Variants in GPAM observed in about 807,000 individuals in gnomAD.
GPAM encodes glycerol-3-phosphate acyltransferase 1, mitochondrial.
GPAM carries 56 observed loss-of-function variants against 105.0 expected under a neutral mutation model. The ratio of observed to expected loss-of-function variants is 0.53; its 90% confidence interval spans 0.43 to 0.67. The LOEUF (loss-of-function observed/expected upper bound fraction) is 0.67, where lower values mean the gene tolerates loss of function less well. Among genes scored for constraint, GPAM ranks in the 30% least tolerant of loss-of-function variants. The pLI is 0.00. For missense variants in GPAM, 855 were observed against 989.8 expected (o/e 0.86, Z 1.83); for synonymous variants, 368 against 354.4 (o/e 1.04, Z -0.43).
intron 1 of GPAM, among the ~76,000 whole-genome samples, chr10:112,204,358 C>T (rs1847835952): frequency 1.3e-5 from 2 of 149,202 alleles, no homozygotes; most frequent in Non-Finnish European, 3.0e-5. Flanking sequence ...TTGAAATAGA[C>T]AGTTGGGGAT....
chr10:112,175,145 G>C (rs1847380549), intron 6 of GPAM, among the ~76,000 whole-genome samples: 1 of 152,104 alleles, frequency 6.6e-6, no homozygotes, highest in South Asian at 2.1e-4. Context: ...TAAGAGCAAA[G>C]GCAGTAATTC....
rs1847835456 is a variant in GPAM, at chr10:112,204,335, C to T, written n.210+10833G>A. Among the ~76,000 whole-genome samples the T allele has an allele frequency of 5.4e-5, 8 of 148,478 alleles. No homozygotes were observed. The Admixed American group carries it at 5.4e-4, about 10-fold the overall frequency. On this transcript the variant is annotated intron_variant and non_coding_transcript_variant, in intron 1 of 3. Transcript: ENST00000480130. ...TCAACCGTCTGGTGACACAAGAGAT[C>T]TGGGGGCTCTTCTTGAAATAGACAG...
upstream of GPAM, among the ~76,000 whole-genome samples, chr10:112,186,491 T>C (rs1847597745): frequency 6.6e-6 from 1 of 151,998 alleles, no homozygotes; most frequent in Non-Finnish European, 1.5e-5. Flanking sequence ...AAACCACAAA[T>C]ACGTAGGTAA....
intron 2 of GPAM, 148 bp downstream of exon 2, chr10:112,182,646 T>C (rs1847528914): frequency 6.6e-6 from 1 of 152,266 alleles, no homozygotes; most frequent in African/African-American, 2.4e-5. Context: ...ACAGTGTTCC[T>C]TTGGAAGGCA....
rs532400785 is a variant in GPAM, at chr10:112,173,383, T to A, written c.560+316A>T. 8.5e-5 allele frequency among the ~76,000 whole-genome samples: 13 copies of A among 152,278 alleles called. No individual in the cohort carries two copies. The East Asian group carries it at 2.5e-3, about 29-fold the overall frequency. ...AATATTTAGTGAGCAGAATGATCCC[T>A]CTGATGTACACAAACCACTCCTTTT... On this transcript the variant is annotated intron_variant, in intron 7 of 21. Transcript: ENST00000348367.
intron 1 of GPAM, among the ~76,000 whole-genome samples, chr10:112,209,384 G>A (rs1180098443): frequency 6.6e-6 from 1 of 151,796 alleles, no homozygotes; most frequent in African/African-American, 2.4e-5. Context: ...TAGTGGAAGG[G>A]GCCCCACCCC....
At chr10:112,153,939 T>C (rs536443264) in intron 21 of GPAM, 4 of 385,416 alleles carry the variant, frequency 1.0e-5, no homozygotes, top group African/African-American at 8.3e-5. Context: ...CCAACATAAC[T>C]ATACTCTAAA....
chr10:112,180,035 CAA>C (rs1320767743), intron 4 of GPAM, among the ~76,000 whole-genome samples: 1 of 152,202 alleles, frequency 6.6e-6, no homozygotes, highest in African/African-American at 2.4e-5. Context: ...TTCACTATCA[CAA>C]AGTCAACAGA....
intron 1 of GPAM, among the ~76,000 whole-genome samples, chr10:112,200,146 A>G (rs1847776236): frequency 6.9e-6 from 1 of 145,362 alleles, no homozygotes; most frequent in Non-Finnish European, 1.5e-5. Flanking sequence ...ACAGGAACAC[A>G]TATTTACACA....
upstream of GPAM, among the ~76,000 whole-genome samples, chr10:112,185,062 TGGAAAAC>T: frequency 1.3e-5 from 2 of 152,162 alleles, no homozygotes; most frequent in Admixed American, 6.5e-5. Context: ...GCACCCCGAC[TGGAAAAC>T]CTCATAATTC....
In GPAM at chr10:112,168,328, T is replaced by C. The variant is rs1847253733; in HGVS notation, c.1091A>G (p.Tyr364Cys). The C allele has an allele frequency of 2.5e-6, 4 of 1,591,514 alleles. No individual in the cohort carries two copies. The highest frequency in any genetic ancestry group is 2.7e-5 in the African/African-American group (2 of 74,456). ...ISYDRIIEGHYNGEQLGKPKK... is the reference protein window; with the variant it reads ...ISYDRIIEGHCNGEQLGKPKK... ...TACCCTTACCAGTTGTTCACCATTG[T>C]AGTGACCTTCGATAATGCGATCATA... The change falls in exon 11 of 22, where the codon TAC becomes TGC. Residue 364 changes from tyrosine (Y) to cysteine (C), a missense_variant. Transcript: ENST00000348367.
chr10:112,161,769 G>C, intron 14 of GPAM, 32 bp from the exon 15 acceptor site: 1 of 1,575,842 alleles, frequency 6.3e-7, no homozygotes, highest in African/African-American at 1.3e-5. Flanking sequence ...TTTTTTAGTT[G>C]CACTTTTTAC....
chr10:112,157,591 G>A (rs557221546), intron 18 of GPAM, among the ~76,000 whole-genome samples: 24 of 152,282 alleles, frequency 1.6e-4, no homozygotes, highest in Admixed American at 9.8e-4. Flanking sequence ...GCAGGTGGGA[G>A]GGGAGAGCTA....
In GPAM at chr10:112,159,512, C is replaced by T. The variant is rs531974975; in HGVS notation, c.1902+399G>A. ...TGCTGAGATTACAGGCGTGAGCCAC[C>T]GCACCTGGCCGAGCAGATGATTTTT... On this transcript the variant is annotated intron_variant, in intron 17 of 21. Coordinates refer to ENST00000348367, the MANE Select transcript of GPAM (RefSeq NM_001244949.2). 9.2e-5 allele frequency among the ~76,000 whole-genome samples: 14 copies of T among 152,198 alleles called. 2 individuals are homozygous for T. In the South Asian group the frequency reaches 2.5e-3, roughly 27 times the overall value.
intron 4 of GPAM, among the ~76,000 whole-genome samples, chr10:112,178,950 C>G (rs1270544571): frequency 6.6e-6 from 1 of 152,174 alleles, no homozygotes; most frequent in East Asian, 1.9e-4. Flanking sequence ...CCAGAGATAG[C>G]TTTGCTGAAA....
chr10:112,152,402 T>G lies in GPAM; in HGVS notation c.*1148A>C. On this transcript the variant is annotated 3_prime_UTR_variant, in exon 22 of 22. Transcript: ENST00000348367. The stretch of plus-strand genomic sequence containing the variant: ...GTTTAGGCATATAACCCATAAAAAT[T>G]TGTTAAAAGTCATGGTTTTTCCTCA... 1 of 985,290 alleles carries G rather than the reference T, an allele frequency of 1.0e-6. No homozygotes were observed. Among genetic ancestry groups the G allele is most frequent in the Non-Finnish European group, 1.2e-6 (1 of 829,812 alleles). 61.0% of individuals were successfully genotyped at this position (985,290 alleles called of 1,614,324 possible).
At chr10:112,184,593 AAAAC>A (rs1355946951), upstream of GPAM, among the ~76,000 whole-genome samples, 1 of 152,246 alleles carries the variant, frequency 6.6e-6, no homozygotes, top group African/African-American at 2.4e-5. Flanking sequence ...ACTAAAAACA[AAAAC>A]AAACAGGCAT....
At chr10:112,193,422 G>C (rs1847685825) in intron 1 of GPAM, among the ~76,000 whole-genome samples, 1 of 152,218 alleles carries the variant, frequency 6.6e-6, no homozygotes, top group African/African-American at 2.4e-5. Flanking sequence ...AAGGAAGCCT[G>C]AGGAATAAGT....
the GPAM span, among the ~76,000 whole-genome samples, chr10:112,226,679 G>A: frequency 1.3e-5 from 2 of 152,218 alleles, no homozygotes; most frequent in African/African-American, 2.4e-5. Flanking sequence ...GGTTGTGAGG[G>A]TTGAGAGAAA....
Sources: gnomAD v4.1 joint callset for allele counts (sites outside exome capture counted in the v4.1 genomes callset) on GRCh38, gnomAD v4.1.1 for gene constraint, MANE v1.5 for transcripts, NCBI Gene and HGNC (gene_info 2026-07-23, HGNC 2026-07-21) for gene names.